MAP3K2: variants seen among roughly 807,000 people sequenced by gnomAD.
MAP3K2 encodes the protein mitogen-activated protein kinase kinase kinase 2.
MAP3K2 carries 24 observed loss-of-function variants against 80.3 expected under a neutral mutation model. The observed-to-expected ratio is 0.30, with a 90% CI of 0.22 to 0.42. MAP3K2 has a LOEUF of 0.42. MAP3K2 is among the 10% of genes least tolerant of loss of function. The pLI is 1.00. For synonymous variants in MAP3K2, 244 were observed against 253.7 expected (o/e 0.96, Z 0.36); for missense variants, 608 against 750.1 (o/e 0.81, Z 2.21).
rs142049934 is a variant in MAP3K2, at chr2:127,339,155, A to G, written c.5-105T>C. The G allele has an allele frequency of 1.1e-4, 74 of 673,576 alleles. No individual in the cohort carries two copies. The Middle Eastern group carries it at 1.1e-3, about 10-fold the overall frequency. The allele number at this position is 673,576 out of a possible 1,614,324, so 41.7% of individuals were successfully genotyped here. A position where few individuals can be genotyped will look rare whatever the true frequency, so the allele number is the denominator to read the frequency against. The stretch of plus-strand genomic sequence containing the variant: ...ATTTAAAATAAAATTTGATGTAGAG[A>G]ATGTATTAATGCAAAAATGCATCTA... On this transcript the variant is annotated intron_variant, in intron 2 of 16. Coordinates refer to ENST00000682094, the MANE Select transcript of MAP3K2 (RefSeq NM_001371910.2). This position sits in a 1 kb window ranked among gnomAD's most constrained non-coding sequence, Gnocchi z 4.2.
intron 7 of MAP3K2, among the ~76,000 whole-genome samples, chr2:127,327,717 A>G (rs536211581): frequency 6.6e-6 from 1 of 152,228 alleles, no homozygotes; most frequent in Admixed American, 6.5e-5. Flanking sequence ...CTTTTATAAA[A>G]ACAATTAAAA....
At chr2:127,349,021 TTTG>T (rs1443229206) in intron 1 of MAP3K2, among the ~76,000 whole-genome samples, 1 of 152,214 alleles carries the variant, frequency 6.6e-6, no homozygotes, top group Non-Finnish European at 1.5e-5. Flanking sequence ...ATGCTGCCAT[TTTG>T]TAAGCACTGA....
chr2:127,327,423 A>G (rs1465990247), intron 7 of MAP3K2, among the ~76,000 whole-genome samples: 1 of 152,176 alleles, frequency 6.6e-6, no homozygotes, highest in Non-Finnish European at 1.5e-5. Context: ...TAAAATGATT[A>G]GGAGCTCAAT....
intron 12 of MAP3K2, among the ~76,000 whole-genome samples, chr2:127,319,569 C>T (rs781478987): frequency 1.4e-5 from 2 of 142,186 alleles, no homozygotes; most frequent in Non-Finnish European, 3.0e-5. Flanking sequence ...CTTTGGGAGG[C>T]CGAGGCGGAC....
chr2:127,383,441 T>C (rs1384350466), intron 1 of MAP3K2, among the ~76,000 whole-genome samples: 3 of 152,236 alleles, frequency 2.0e-5, no homozygotes, highest in Non-Finnish European at 4.4e-5. Flanking sequence ...ATTTTTTCTT[T>C]TTTTGAAGAT....
At chr2:127,335,090 G>C (rs1406738706) in intron 5 of MAP3K2, among the ~76,000 whole-genome samples, 1 of 152,042 alleles carries the variant, frequency 6.6e-6, no homozygotes, top group African/African-American at 2.4e-5. Flanking sequence ...TTCTTTCAAA[G>C]AACTTCGTAT....
chr2:127,317,534 G>T, intron 14 of MAP3K2, 95 bp downstream of exon 14: 1 of 1,052,470 alleles, frequency 9.5e-7, no homozygotes, highest in East Asian at 2.7e-5. Context: ...CCTTAACTAG[G>T]GTTAACATTT....
chr2:127,354,837 T>C (rs1163807006), intron 1 of MAP3K2, among the ~76,000 whole-genome samples: 1 of 151,982 alleles, frequency 6.6e-6, no homozygotes, highest in Non-Finnish European at 1.5e-5. Context: ...ATATTCCATA[T>C]GTTCAAGCAG....
At chr2:127,360,336 A>G (rs1686863335) in intron 1 of MAP3K2, among the ~76,000 whole-genome samples, 2 of 152,022 alleles carry the variant, frequency 1.3e-5, no homozygotes, top group African/African-American at 4.8e-5. Flanking sequence ...AAGGTAAACT[A>G]ATCTATGGTG....
chr2:127,388,149 GC>G (rs1687414379), upstream of MAP3K2: 4 of 985,058 alleles, frequency 4.1e-6, no homozygotes, highest in South Asian at 4.7e-5. Flanking sequence ...GCCGGACGGC[GC>G]GGGGATTCCC....
chr2:127,356,614 A>G (rs530696868), intron 1 of MAP3K2, among the ~76,000 whole-genome samples: 2 of 152,276 alleles, frequency 1.3e-5, no homozygotes, highest in South Asian at 4.1e-4. Flanking sequence ...TGGCCTCCCA[A>G]AGTGTTGAGA....
chr2:127,340,891 A>C (rs951559587), intron 2 of MAP3K2, among the ~76,000 whole-genome samples: 1 of 151,966 alleles, frequency 6.6e-6, no homozygotes, highest in African/African-American at 2.4e-5. Context: ...AATTTAAACA[A>C]TTTTATATGC....
At chr2:127,378,616 T>C (rs939914321) in intron 1 of MAP3K2, among the ~76,000 whole-genome samples, 7 of 152,358 alleles carry the variant, frequency 4.6e-5, no homozygotes, top group African/African-American at 1.7e-4. Flanking sequence ...ACCTGAATTT[T>C]AGAAAAACTC....
At chr2:127,315,746 C>T (rs1486942475) in intron 14 of MAP3K2, among the ~76,000 whole-genome samples, 2 of 152,262 alleles carry the variant, frequency 1.3e-5, no homozygotes, top group East Asian at 3.9e-4. Flanking sequence ...CAAGACCAGC[C>T]TGGCCAACAG....
At chr2:127,337,480 G>A (rs1686396223) in intron 4 of MAP3K2, among the ~76,000 whole-genome samples, 1 of 152,180 alleles carries the variant, frequency 6.6e-6, no homozygotes, top group Non-Finnish European at 1.5e-5. Context: ...GTGAAAATAT[G>A]TAAAGGCTGT....
In MAP3K2 at chr2:127,322,159, C is replaced by G. The variant is rs1686035490; in HGVS notation, c.932G>C (p.Ser311Thr). The G allele has an allele frequency of 6.2e-7, 1 of 1,613,776 alleles. No individual in the cohort carries two copies. Among genetic ancestry groups the G allele is most frequent in the Admixed American group, 1.7e-5 (1 of 60,002 alleles). ...TGGGGTAAAGATACTGCTTCCACTA[C>G]TAGTGCTTAAGGAATGATCAGTAGG... ...FSPTDHSLST[S>T]SGSSIFTPEY... Residue 311 changes from serine to threonine, a missense_variant, in exon 12 of 17, where the codon AGT becomes ACT. Physicochemically the swap from Ser to Thr is moderately conservative, Grantham distance 58 (BLOSUM62 1). Coordinates refer to ENST00000682094, the MANE Select transcript of MAP3K2 (RefSeq NM_001371910.2). This position sits in a 1 kb window ranked among gnomAD's most constrained non-coding sequence, Gnocchi z 4.2.
rs1329953429 is a variant in MAP3K2 at position 127,303,670 on chromosome 2, GTTAA to G, written c.*3905_*3908del. 19 of 152,154 alleles carry G rather than the reference GTTAA, an allele frequency of 1.2e-4. No individual in the cohort carries two copies. The highest frequency in any genetic ancestry group is 4.6e-4 in the African/African-American group (19 of 41,458). 9.4% of individuals were successfully genotyped at this position (152,154 alleles called of 1,614,324 possible). ...CCTAGATTGTGACCTCCTTAAGGATGTTAATTTAGTACCTGACATAATAAGTTAC... is the reference window on the plus strand; with the variant it reads ...CCTAGATTGTGACCTCCTTAAGGATGTTTAGTACCTGACATAATAAGTTAC... On this transcript the variant is annotated 3_prime_UTR_variant, in exon 17 of 17. Transcript: ENST00000682094.
At chr2:127,334,903 T>C (rs1686335601) in intron 5 of MAP3K2, among the ~76,000 whole-genome samples, 1 of 152,042 alleles carries the variant, frequency 6.6e-6, no homozygotes, top group Admixed American at 6.6e-5. Flanking sequence ...CCCAGGTAGC[T>C]GGAACTACAG....
chr2:127,317,533 G>C, intron 14 of MAP3K2, 96 bp downstream of exon 14: 1 of 1,037,130 alleles, frequency 9.6e-7, no homozygotes, highest in Non-Finnish European at 1.3e-6. Flanking sequence ...TCCTTAACTA[G>C]GGTTAACATT....
Sources: allele counts gnomAD v4.1 joint callset (sites outside exome capture counted in the v4.1 genomes callset), GRCh38; gene constraint gnomAD v4.1.1; non-coding constraint Gnocchi (gnomAD v3.1); transcripts MANE v1.5; gene names NCBI Gene and HGNC (gene_info 2026-07-23, HGNC 2026-07-21).